The following IFI16 variants were observed in gnomAD, a reference collection of about 807,000 sequenced individuals.
The protein encoded by IFI16 is gamma-interferon-inducible protein 16.
In IFI16, 49 loss-of-function variants were observed where a neutral mutation model predicts 68.4. The observed-to-expected ratio is 0.72, with a 90% CI of 0.57 to 0.91. The LOEUF is 0.91. Ranked by LOEUF, IFI16 falls within the 40% of genes least tolerant of loss-of-function variation. IFI16 has a pLI of 0.00. For missense variants in IFI16, 878 were observed against 942.9 expected (o/e 0.93, Z 0.90); for synonymous variants, 307 against 315.0 (o/e 0.97, Z 0.27).
At chr1:159,044,778 G>T (rs977575770) in intron 7 of IFI16, among the ~76,000 whole-genome samples, 1 of 152,130 alleles carries the variant, frequency 6.6e-6, no homozygotes, top group Non-Finnish European at 1.5e-5. Context: ...ATACTGTAGT[G>T]ATCATAGAAC....
chr1:159,040,115 C>T (rs1184267375), intron 7 of IFI16, among the ~76,000 whole-genome samples: 1 of 152,076 alleles, frequency 6.6e-6, no homozygotes, highest in African/African-American at 2.4e-5. Context: ...CTTGGAAGAA[C>T]CCATGACGTA....
chr1:159,006,901 T>C (rs1483156980), upstream of IFI16, among the ~76,000 whole-genome samples: 1 of 152,210 alleles, frequency 6.6e-6, no homozygotes, highest in Non-Finnish European at 1.5e-5. Flanking sequence ...GTCCGTAATT[T>C]TGTGTTATTT....
chr1:159,024,965 A>G (rs1318578549), intron 6 of IFI16, among the ~76,000 whole-genome samples: 1 of 151,928 alleles, frequency 6.6e-6, no homozygotes, highest in Non-Finnish European at 1.5e-5. Flanking sequence ...TGGTTAATAC[A>G]TAAAATAGGG....
At chr1:159,033,715 T>C (rs1654147162) in intron 7 of IFI16, among the ~76,000 whole-genome samples, 1 of 152,068 alleles carries the variant, frequency 6.6e-6, no homozygotes, top group East Asian at 1.9e-4. Context: ...AGATTAGGAG[T>C]TTATATATGC....
At chr1:159,006,019 T>G (rs1652242949), upstream of IFI16, 1 of 152,262 alleles carries the variant, frequency 6.6e-6, no homozygotes, top group Non-Finnish European at 1.5e-5. Context: ...CTTCTCTTGT[T>G]CCCGCTTAAG....
At chr1:159,040,828 A>G (rs562383756) in intron 7 of IFI16, among the ~76,000 whole-genome samples, 12 of 152,350 alleles carry the variant, frequency 7.9e-5, no homozygotes, top group African/African-American at 2.9e-4. Context: ...TAAATATGAT[A>G]TTGTCAGTCT....
chr1:159,015,750 C>T, intron 2 of IFI16, 122 bp from the exon 3 acceptor site: 1 of 702,112 alleles, frequency 1.4e-6, no homozygotes, highest in Non-Finnish European at 2.5e-6. Context: ...GACTAAAGCA[C>T]AGCTGAACCC....
chr1:159,016,941 A>G (rs1652970583), intron 4 of IFI16, among the ~76,000 whole-genome samples: 3 of 152,222 alleles, frequency 2.0e-5, no homozygotes, highest in African/African-American at 7.2e-5. Context: ...GCTATGCAGT[A>G]CAGAACTGTC....
upstream of IFI16, among the ~76,000 whole-genome samples, chr1:159,002,499 T>C (rs989746988): frequency 6.6e-6 from 1 of 152,224 alleles, no homozygotes; most frequent in Non-Finnish European, 1.5e-5. Context: ...CTTGTTTTTT[T>C]CTAAGCTCAT....
At chr1:159,049,713 C>G (rs1159434947) in intron 9 of IFI16, 114 bp downstream of exon 9, 7 of 1,111,796 alleles carry the variant, frequency 6.3e-6, no homozygotes, top group Non-Finnish European at 7.8e-6. Context: ...TTTAATTTAA[C>G]CAAATCAGTC....
chr1:159,039,559 G>A (rs774873627), intron 7 of IFI16, among the ~76,000 whole-genome samples: 3 of 152,068 alleles, frequency 2.0e-5, no homozygotes, highest in Non-Finnish European at 2.9e-5. Context: ...GGCCAGACTG[G>A]TCTTGAACTC....
intron 5 of IFI16, among the ~76,000 whole-genome samples, chr1:159,019,147 G>A (rs1653129231): frequency 6.6e-6 from 1 of 151,934 alleles, no homozygotes; most frequent in African/African-American, 2.4e-5. Flanking sequence ...GTAGGACAAT[G>A]TTCTGACCAA....
At chr1:159,036,879 G>C (rs1240447304) in intron 7 of IFI16, among the ~76,000 whole-genome samples, 1 of 152,200 alleles carries the variant, frequency 6.6e-6, no homozygotes, top group Non-Finnish European at 1.5e-5. Context: ...ATGTGTACCA[G>C]TTGAAGACAG....
intron 3 of IFI16, 56 bp from the exon 4 acceptor site, chr1:159,016,477 T>A: frequency 6.9e-7 from 1 of 1,444,830 alleles, no homozygotes; most frequent in South Asian, 1.3e-5. Flanking sequence ...AATGAAAATG[T>A]GCTCTACTTC....
Position 159,016,680 on chromosome 1 carries a change from C to A in IFI16, c.529C>A (p.Pro177Thr). ...PSPKTSLSAP[P>T]NSSSTENPKT... ...TCCCAAGACCTCATTGTCAGCTCCA[C>A]CCAACAGTTCTTCAACTGAGGTACA... The change falls in exon 4 of 12, where the codon CCC becomes ACC. Residue 177 changes from proline (P) to threonine (T), a missense_variant. Pro to Thr is a conservative substitution (Grantham distance 38). This residue lies in a region of IFI16 where 443 missense variants were observed against 421.8 expected (regional missense o/e 1.05). Transcript: ENST00000295809. 1 of 1,613,886 alleles carries A rather than the reference C, an allele frequency of 6.2e-7. No individual in the cohort carries two copies. The highest frequency in any genetic ancestry group is 8.5e-7 in the Non-Finnish European group (1 of 1,179,904).
At chr1:159,018,769 C>A in intron 5 of IFI16, 118 bp downstream of exon 5, 1 of 718,824 alleles carries the variant, frequency 1.4e-6, no homozygotes, top group Non-Finnish European at 2.4e-6. Context: ...ACTCTGAAGA[C>A]TAATGACAGG....
At chr1:159,007,065 A>T (rs1652288038), upstream of IFI16, among the ~76,000 whole-genome samples, 1 of 152,250 alleles carries the variant, frequency 6.6e-6, no homozygotes, top group Non-Finnish European at 1.5e-5. Context: ...GGAAAAGGAA[A>T]CAGCACAAAA....
chr1:159,012,478 C>T (rs1184261860), intron 1 of IFI16, among the ~76,000 whole-genome samples: 2 of 152,150 alleles, frequency 1.3e-5, no homozygotes, highest in African/African-American at 4.8e-5. Flanking sequence ...GTTCACATTT[C>T]AGTGAAATAA....
intron 6 of IFI16, among the ~76,000 whole-genome samples, chr1:159,025,490 T>G (rs889028067): frequency 1.3e-5 from 2 of 152,224 alleles, no homozygotes; most frequent in African/African-American, 4.8e-5. Context: ...GACCATAAAG[T>G]AAAACTTTTA....
Sources: allele counts gnomAD v4.1 joint callset (sites outside exome capture counted in the v4.1 genomes callset), GRCh38; gene constraint gnomAD v4.1.1; regional missense constraint gnomAD v4.1.1; transcripts MANE v1.5; gene names NCBI Gene and HGNC (gene_info 2026-07-23, HGNC 2026-07-21).